STX8: variants seen among roughly 807,000 people sequenced by gnomAD.
STX8 encodes syntaxin-8.
STX8 carries 23 observed loss-of-function variants against 37.5 expected under a neutral mutation model. The ratio of observed to expected loss-of-function variants is 0.61; its 90% CI spans 0.44 to 0.87. The LOEUF (loss-of-function observed/expected upper bound fraction) is 0.87, where lower values mean the gene tolerates loss of function less well. STX8 is among the 40% of genes least tolerant of loss of function. The pLI, the probability that STX8 is intolerant of heterozygous loss-of-function variation, is 0.00. For synonymous variants in STX8, 115 were observed against 99.1 expected (o/e 1.16, Z -0.95); for missense variants, 313 against 284.7 (o/e 1.10, Z -0.71).
chr17:9,365,027 A>T (rs1911183137), intron 7 of STX8, among the ~76,000 whole-genome samples: 1 of 152,198 alleles, frequency 6.6e-6, no homozygotes, highest in Non-Finnish European at 1.5e-5. Flanking sequence ...AGAGAAAGTG[A>T]TGAGGAGAAG....
At chr17:9,340,989 TAAATTA>T (rs1910337060) in intron 7 of STX8, among the ~76,000 whole-genome samples, 2 of 146,700 alleles carry the variant, frequency 1.4e-5, no homozygotes, top group African/African-American at 2.5e-5. Flanking sequence ...ATTTAAATTA[TAAATTA>T]TAAATTATAT....
Position 9,274,755 on chromosome 17 carries a change from T to C in STX8, c.644-24110A>G, listed in dbSNP as rs1431076736. Among the ~76,000 whole-genome samples the C allele has an allele frequency of 5.6e-5, 7 of 125,462 alleles. 1 individual carries two copies. Among genetic ancestry groups the C allele is most frequent in the Admixed American group, 3.2e-4 (4 of 12,368 alleles). The allele number at this position is 125,462 out of a possible 152,430, so 82.3% of individuals were successfully genotyped here. On this transcript the variant is annotated intron_variant, in intron 7 of 7. Transcript: ENST00000306357. ...AAATACAACAATTTCTTTTTTCTTT[T>C]TTTTTTTTTTTTTTGAGACGGAGTC... is the stretch of plus-strand genomic sequence containing the variant.
At chr17:9,446,970 A>G (rs1904874881) in intron 6 of STX8, among the ~76,000 whole-genome samples, 1 of 152,188 alleles carries the variant, frequency 6.6e-6, no homozygotes, top group Non-Finnish European at 1.5e-5. Flanking sequence ...TTTGGCACAT[A>G]TGCTCAAGCT....
At chr17:9,505,458 G>T (rs547520402) in intron 4 of STX8, among the ~76,000 whole-genome samples, 1 of 152,238 alleles carries the variant, frequency 6.6e-6, no homozygotes, top group Non-Finnish European at 1.5e-5. Context: ...AAAGAAGTTG[G>T]TAATAAATGA....
intron 6 of STX8, among the ~76,000 whole-genome samples, chr17:9,408,312 G>C (rs192483197): frequency 6.6e-6 from 1 of 152,266 alleles, no homozygotes; most frequent in East Asian, 1.9e-4. Context: ...TCACTATAAG[G>C]ATGTCTCAAT....
intron 7 of STX8, among the ~76,000 whole-genome samples, chr17:9,330,244 A>C (rs1597608421): frequency 6.6e-6 from 1 of 152,180 alleles, no homozygotes; most frequent in Non-Finnish European, 1.5e-5. Flanking sequence ...CAGCCTTCCA[A>C]CTGTTCTTTA....
chr17:9,428,755 A>C (rs1913734827), intron 6 of STX8, among the ~76,000 whole-genome samples: 1 of 152,192 alleles, frequency 6.6e-6, no homozygotes, highest in African/African-American at 2.4e-5. Context: ...AGATATTTTG[A>C]ATCTTTTTTT....
chr17:9,514,990 A>G (rs1208079264), intron 4 of STX8, among the ~76,000 whole-genome samples: 1 of 152,180 alleles, frequency 6.6e-6, no homozygotes, highest in Non-Finnish European at 1.5e-5. Context: ...TCATTCCAAA[A>G]ACATTTACTT....
chr17:9,545,357 T>C, intron 3 of STX8, 75 bp from the exon 4 acceptor site: 1 of 1,106,708 alleles, frequency 9.0e-7, no homozygotes. Flanking sequence ...AGTTAGCTCT[T>C]CAAGTCAGTT....
intron 7 of STX8, among the ~76,000 whole-genome samples, chr17:9,261,091 G>C (rs71371899): frequency 6.6e-6 from 1 of 152,248 alleles, no homozygotes; most frequent in Non-Finnish European, 1.5e-5. Flanking sequence ...ACGGGGCAGA[G>C]AGCTGGACGG....
intron 6 of STX8, among the ~76,000 whole-genome samples, chr17:9,403,409 A>G (rs557927617): frequency 6.6e-6 from 1 of 152,320 alleles, no homozygotes; most frequent in Non-Finnish European, 1.5e-5. Flanking sequence ...ACACTGATTC[A>G]ACACTGAAAA....
intron 7 of STX8, among the ~76,000 whole-genome samples, chr17:9,356,351 G>A (rs1190275996): frequency 2.0e-5 from 3 of 152,102 alleles, no homozygotes; most frequent in Admixed American, 1.3e-4. Flanking sequence ...ACAGGTCCAC[G>A]AAGAACCCAA....
chr17:9,502,869 G>A (rs1031689163), intron 5 of STX8, among the ~76,000 whole-genome samples: 8 of 152,074 alleles, frequency 5.3e-5, no homozygotes, highest in South Asian at 2.1e-4. Flanking sequence ...TTGGGAGGCC[G>A]AGTCGAGTGG....
intron 7 of STX8, among the ~76,000 whole-genome samples, chr17:9,300,349 G>GAA (rs57391846): frequency 4.8e-5 from 6 of 123,774 alleles, no homozygotes; most frequent in Non-Finnish European, 6.6e-5. Flanking sequence ...AAAAAAAAAA[G>GAA]AAAGAAAGAA....
intron 7 of STX8, among the ~76,000 whole-genome samples, chr17:9,254,813 G>A (rs1229619252): frequency 6.6e-6 from 1 of 152,160 alleles, no homozygotes; most frequent in African/African-American, 2.4e-5. Context: ...AACAGAGCCT[G>A]GCACAGGAAA....
At chr17:9,571,920 T>TA (rs113450742) in intron 1 of STX8, among the ~76,000 whole-genome samples, 2,773 of 138,020 alleles carry the variant, frequency 0.02, 88 homozygotes, top group African/African-American at 0.068. Context: ...ATCTCAAAAT[T>TA]AAAAAAAAAA....
intron 4 of STX8, among the ~76,000 whole-genome samples, chr17:9,508,997 C>T (rs776239992): frequency 4.6e-5 from 7 of 152,156 alleles, no homozygotes; most frequent in Non-Finnish European, 1.0e-4. Context: ...GCCTGTTATC[C>T]CAGTACTTTG....
At chr17:9,299,403 AAG>A (rs1597591086) in intron 7 of STX8, among the ~76,000 whole-genome samples, 2 of 151,836 alleles carry the variant, frequency 1.3e-5, no homozygotes, top group East Asian at 1.9e-4. Flanking sequence ...TTGGAAGGAA[AAG>A]AGGGGATTGC....
At chr17:9,480,697 T>A (rs1177960346) in intron 6 of STX8, among the ~76,000 whole-genome samples, 3 of 152,156 alleles carry the variant, frequency 2.0e-5, no homozygotes, top group Non-Finnish European at 2.9e-5. Context: ...AAATGCAGAC[T>A]TGAGAAGCCA....
Sources: gnomAD v4.1 joint callset for allele counts (sites outside exome capture counted in the v4.1 genomes callset) on GRCh38, gnomAD v4.1.1 for gene constraint, MANE v1.5 for transcripts, NCBI Gene and HGNC (gene_info 2026-07-23, HGNC 2026-07-21) for gene names.